The following NKAIN3 variants were observed in gnomAD, a reference collection of about 807,000 sequenced individuals.
NKAIN3 encodes sodium/potassium transporting ATPase interacting 3.
NKAIN3 carries 25 observed loss-of-function variants against 30.2 expected under a neutral mutation model. That is an observed-to-expected ratio of 0.83 (90% confidence interval 0.60 to 1.16). The LOEUF (loss-of-function observed/expected upper bound fraction) is 1.16, where lower values mean the gene tolerates loss of function less well. Among genes scored for constraint, NKAIN3 ranks in the 50% most tolerant of loss-of-function variants. The pLI is 0.00. For missense variants in NKAIN3, 225 were observed against 254.1 expected, an observed-to-expected ratio of 0.89 and a Z score of 0.78; for synonymous variants, 91 against 89.6, an observed-to-expected ratio of 1.02 and a Z score of -0.09.
chr8:62,667,347 T>TTA (rs201033796), intron 3 of NKAIN3, among the ~76,000 whole-genome samples: 1,981 of 80,638 alleles, frequency 0.025, 82 homozygotes, highest in African/African-American at 0.099. Flanking sequence ...TATATATTCT[T>TTA]TATATATATA....
chr8:62,547,349 A>G (rs1585931209), intron 1 of NKAIN3, among the ~76,000 whole-genome samples: 1 of 152,182 alleles, frequency 6.6e-6, no homozygotes, highest in South Asian at 2.1e-4. Flanking sequence ...ATTTTCTTCT[A>G]TATGAGTTTG....
chr8:62,641,471 A>G (rs1051478797), intron 3 of NKAIN3, among the ~76,000 whole-genome samples: 3 of 152,144 alleles, frequency 2.0e-5, no homozygotes, highest in Non-Finnish European at 4.4e-5. Context: ...AATAACAGAA[A>G]TGCTCTCAGT....
At chr8:62,286,186 G>T (rs933393188) in intron 1 of NKAIN3, among the ~76,000 whole-genome samples, 10 of 152,108 alleles carry the variant, frequency 6.6e-5, no homozygotes, top group African/African-American at 2.4e-4. Context: ...TCATTTGATT[G>T]TAAGCTTCTT....
chr8:62,985,990 A>T (rs1022042514), downstream of NKAIN3, among the ~76,000 whole-genome samples: 8 of 152,212 alleles, frequency 5.3e-5, no homozygotes, highest in African/African-American at 1.4e-4. Context: ...CTATCTACTT[A>T]CAAGCCAAAT....
At chr8:62,852,309 A>T (rs1241832029) in intron 4 of NKAIN3, among the ~76,000 whole-genome samples, 1 of 151,828 alleles carries the variant, frequency 6.6e-6, no homozygotes, top group Admixed American at 6.6e-5. Context: ...TATCCCCTTT[A>T]TCGTTTTTTA....
At chr8:62,492,763 T>G (rs1305739216) in intron 1 of NKAIN3, among the ~76,000 whole-genome samples, 1 of 152,158 alleles carries the variant, frequency 6.6e-6, no homozygotes, top group Admixed American at 6.6e-5. Flanking sequence ...TTTTTTAAAC[T>G]TTCATTTTAA....
In NKAIN3 at chr8:62,712,347, G is replaced by C. The variant is rs190766308; in HGVS notation, c.274-34585G>C. On this transcript the variant is annotated intron_variant, in intron 3 of 6. Coordinates refer to ENST00000623646, the MANE Select transcript of NKAIN3 (RefSeq NM_001304533.3). ...TCTGCTACCAGGGTGGGTAGGGAAG[G>C]ACCATCAGGTGGGGGTTGGGGTAGG... Among the ~76,000 whole-genome samples, 4 of 152,118 alleles carry C rather than the reference G, an allele frequency of 2.6e-5. No homozygotes were observed. In the East Asian group the frequency reaches 7.7e-4, roughly 29 times the overall value.
At chr8:62,761,478 C>T (rs1351352) in intron 4 of NKAIN3, among the ~76,000 whole-genome samples, 134,670 of 152,178 alleles carry the variant, frequency 0.88, 59,723 homozygotes, top group African/African-American at 0.91. Flanking sequence ...TTTTAGCATC[C>T]ACTCCCTGAT....
intron 4 of NKAIN3, among the ~76,000 whole-genome samples, chr8:62,752,170 G>A (rs1222194921): frequency 6.6e-6 from 1 of 152,212 alleles, no homozygotes; most frequent in Non-Finnish European, 1.5e-5. Flanking sequence ...AGGAGCCAGA[G>A]TGAAGATGCC....
At chr8:62,942,169 A>T (rs578026213) in intron 5 of NKAIN3, among the ~76,000 whole-genome samples, 13 of 142,656 alleles carry the variant, frequency 9.1e-5, no homozygotes, top group Non-Finnish European at 1.5e-4. Flanking sequence ...CAATAGCTGC[A>T]ATATATATAT....
chr8:62,874,662 A>T (rs1351438875), intron 4 of NKAIN3, among the ~76,000 whole-genome samples: 9 of 152,344 alleles, frequency 5.9e-5, no homozygotes, highest in Middle Eastern at 3.4e-3. Flanking sequence ...CTGGTTCAAC[A>T]TATGCAAATC....
intron 1 of NKAIN3, among the ~76,000 whole-genome samples, chr8:62,332,764 T>TA (rs1293106164): frequency 2.0e-5 from 3 of 152,180 alleles, no homozygotes; most frequent in African/African-American, 7.2e-5. Context: ...GGCTCACACT[T>TA]ACAGTCTCAG....
chr8:62,843,213 G>C (rs562388958), intron 4 of NKAIN3, among the ~76,000 whole-genome samples: 30 of 151,918 alleles, frequency 2.0e-4, no homozygotes, highest in African/African-American at 7.0e-4. Flanking sequence ...CAGATGCAAG[G>C]AACACAGATT....
At chr8:62,740,199 C>T (rs1402679547) in intron 3 of NKAIN3, among the ~76,000 whole-genome samples, 1 of 152,040 alleles carries the variant, frequency 6.6e-6, no homozygotes, top group Non-Finnish European at 1.5e-5. Context: ...CCTAACTATT[C>T]TAATTTATAT....
At chr8:62,483,329 C>T (rs1324352387) in intron 1 of NKAIN3, 2 of 174,178 alleles carry the variant, frequency 1.1e-5, no homozygotes, top group Admixed American at 5.8e-5. Flanking sequence ...ACTGCGGAGG[C>T]TCTGCTCACA....
intron 1 of NKAIN3, among the ~76,000 whole-genome samples, chr8:62,391,693 G>A (rs1317751797): frequency 6.6e-6 from 1 of 152,000 alleles, no homozygotes; most frequent in Non-Finnish European, 1.5e-5. Context: ...AAGGGAAAAT[G>A]GCAGTTTTTG....
In NKAIN3 at chr8:62,639,022, A is replaced by G. The variant is rs576216208; in HGVS notation, c.273+49228A>G. The stretch of plus-strand genomic sequence containing the variant: ...ACTTTCTCTGCAAGTGTACTATCTC[A>G]TCACTCTTCTTACATCTCAAAATTA... On this transcript the variant is annotated intron_variant, in intron 3 of 6. Coordinates refer to ENST00000623646, the MANE Select transcript of NKAIN3 (RefSeq NM_001304533.3). 8.5e-5 allele frequency among the ~76,000 whole-genome samples: 13 copies of G among 152,304 alleles called. No individual in the cohort carries two copies. In the South Asian group the frequency reaches 1.9e-3, roughly 22 times the overall value.
At chr8:62,815,905 C>G (rs954565051) in intron 4 of NKAIN3, among the ~76,000 whole-genome samples, 1 of 152,070 alleles carries the variant, frequency 6.6e-6, no homozygotes, top group Non-Finnish European at 1.5e-5. Flanking sequence ...TTATATCTAT[C>G]TCTTTGTTGA....
At chr8:62,344,131 T>C (rs1815845626) in intron 1 of NKAIN3, among the ~76,000 whole-genome samples, 1 of 151,954 alleles carries the variant, frequency 6.6e-6, no homozygotes. Context: ...TATTGTGGCT[T>C]CTGGGGCAAC....
Sources: gnomAD v4.1 joint callset for allele counts (sites outside exome capture counted in the v4.1 genomes callset) on GRCh38, gnomAD v4.1.1 for gene constraint, MANE v1.5 for transcripts, NCBI Gene and HGNC (gene_info 2026-07-23, HGNC 2026-07-21) for gene names.